Variants in ARHGAP6 observed in about 807,000 individuals in gnomAD.
ARHGAP6 encodes the protein rho GTPase-activating protein 6.
In ARHGAP6, 16 loss-of-function variants were observed where a neutral mutation model predicts 55.7. The ratio of observed to expected loss-of-function variants is 0.29; its 90% CI spans 0.19 to 0.44. ARHGAP6 has a LOEUF of 0.44. ARHGAP6 is among the 20% of genes least tolerant of loss of function. ARHGAP6 has a pLI of 1.00. For synonymous variants in ARHGAP6, 382 were observed against 360.9 expected, an observed-to-expected ratio of 1.06 and a Z score of -0.66; for missense variants, 698 against 808.9, an observed-to-expected ratio of 0.86 and a Z score of 1.66.
In ARHGAP6 at chrX:11,460,594, G is replaced by T. The variant is rs767425969; in HGVS notation, c.588+203647C>A. ...ATATACTGCTCCTTAAAAAGATCCA[G>T]TCATTCATTTAACATTTATTGAGAT... On this transcript the variant is annotated intron_variant, in intron 1 of 12. Coordinates refer to ENST00000337414, the MANE Select transcript of ARHGAP6 (RefSeq NM_013427.3). 2.7e-5 allele frequency among the ~76,000 whole-genome samples: 3 copies of T among 112,062 alleles called. No homozygotes were observed. The East Asian group carries it at 8.4e-4, about 32-fold the overall frequency.
intron 1 of ARHGAP6, among the ~76,000 whole-genome samples, chrX:11,578,385 CT>C (rs1190726297): frequency 7.1e-5 from 8 of 112,307 alleles, no homozygotes; most frequent in Non-Finnish European, 1.9e-5. Flanking sequence ...TGAACAGACA[CT>C]TTTCAAAAGA....
At chrX:11,245,604 A>C (rs894274812) in intron 2 of ARHGAP6, among the ~76,000 whole-genome samples, 3 of 112,690 alleles carry the variant, frequency 2.7e-5, no homozygotes, top group African/African-American at 9.7e-5. Flanking sequence ...TGTGTTATTG[A>C]ATAGTGGTTT....
intron 1 of ARHGAP6, chrX:11,335,703 G>A (rs748629178): frequency 1.6e-5 from 5 of 319,303 alleles, no homozygotes; most frequent in East Asian, 1.0e-4. Flanking sequence ...TTATTGTCCC[G>A]GTAGGCACCA....
chrX:11,471,209 A>G (rs1213935463), intron 1 of ARHGAP6, among the ~76,000 whole-genome samples: 1 of 112,021 alleles, frequency 8.9e-6, no homozygotes, highest in Non-Finnish European at 1.9e-5. Context: ...CCAGCTCATC[A>G]TCAATTTAAA....
chrX:11,318,282 C>G (rs1396127705), intron 1 of ARHGAP6, among the ~76,000 whole-genome samples: 1 of 111,881 alleles, frequency 8.9e-6, no homozygotes, highest in East Asian at 2.8e-4. Flanking sequence ...AAAATACAAT[C>G]AATTTATTTT....
chrX:11,289,714 C>T (rs1229016368), intron 1 of ARHGAP6, among the ~76,000 whole-genome samples: 1 of 112,057 alleles, frequency 8.9e-6, no homozygotes, highest in Non-Finnish European at 1.9e-5. Context: ...AGGCCAGGCG[C>T]AGTGGCTCAT....
At chrX:11,181,254 A>G (rs7057011) in intron 6 of ARHGAP6, among the ~76,000 whole-genome samples, 28,688 of 111,107 alleles carry the variant, frequency 0.26, 2,977 homozygotes, top group Middle Eastern at 0.37. Flanking sequence ...AAAAAAGATA[A>G]ATGAGGTATT....
At chrX:11,454,068 C>T (rs1200014522) in intron 1 of ARHGAP6, among the ~76,000 whole-genome samples, 4 of 109,835 alleles carry the variant, frequency 3.6e-5, no homozygotes, top group Non-Finnish European at 7.6e-5. Context: ...CTTAGCTTCC[C>T]GAGTAGCTGG....
At chrX:11,514,838 G>GCA (rs71928650) in intron 1 of ARHGAP6, among the ~76,000 whole-genome samples, 4,403 of 96,163 alleles carry the variant, frequency 0.046, 149 homozygotes, top group African/African-American at 0.1. Flanking sequence ...TCTATGCATT[G>GCA]CACACACACA....
At chrX:11,267,137 C>A (rs890853925) in intron 1 of ARHGAP6, among the ~76,000 whole-genome samples, 4 of 111,826 alleles carry the variant, frequency 3.6e-5, no homozygotes, top group Non-Finnish European at 7.5e-5. Flanking sequence ...GAAGTTACAT[C>A]CTCATTTAAA....
intron 1 of ARHGAP6, among the ~76,000 whole-genome samples, chrX:11,366,108 T>C (rs1362821616): frequency 8.9e-6 from 1 of 112,202 alleles, no homozygotes; most frequent in Admixed American, 9.5e-5. Flanking sequence ...CCAAAGGCCC[T>C]ACCTGCAAAT....
intron 1 of ARHGAP6, among the ~76,000 whole-genome samples, chrX:11,644,543 A>T (rs183464485): frequency 1.8e-5 from 2 of 111,332 alleles, no homozygotes; most frequent in Non-Finnish European, 3.8e-5. Flanking sequence ...ACCCTTCACC[A>T]AAGAGGATAT....
intron 1 of ARHGAP6, among the ~76,000 whole-genome samples, chrX:11,452,531 T>C (rs1020142479): frequency 7.1e-5 from 8 of 112,162 alleles, no homozygotes; most frequent in Admixed American, 1.9e-4. Context: ...CGGAAACACA[T>C]TGAGTGGTTG....
chrX:11,512,552 C>T (rs2050795339), intron 1 of ARHGAP6, among the ~76,000 whole-genome samples: 1 of 111,265 alleles, frequency 9.0e-6, no homozygotes, highest in Non-Finnish European at 1.9e-5. Context: ...TTGTGTGTTG[C>T]TTTAGTTAAC....
At chrX:11,464,121 C>A (rs915437093) in intron 1 of ARHGAP6, among the ~76,000 whole-genome samples, 15 of 112,211 alleles carry the variant, frequency 1.3e-4, no homozygotes, top group African/African-American at 4.5e-4. Flanking sequence ...ACATTGTTTA[C>A]ATGCAAAATG....
At chrX:11,480,775 CT>C (rs1407379191) in intron 1 of ARHGAP6, among the ~76,000 whole-genome samples, 1 of 111,411 alleles carries the variant, frequency 9.0e-6, no homozygotes, top group Non-Finnish European at 1.9e-5. Flanking sequence ...CAAATTTCCC[CT>C]GGGTTACTAA....
chrX:11,551,009 T>TA (rs1171049427), intron 1 of ARHGAP6, among the ~76,000 whole-genome samples: 1 of 110,680 alleles, frequency 9.0e-6, no homozygotes, highest in Non-Finnish European at 1.9e-5. Context: ...GGGCATTGAG[T>TA]AAAAAAATCT....
intron 1 of ARHGAP6, among the ~76,000 whole-genome samples, chrX:11,610,867 T>C (rs1264997604): frequency 8.9e-6 from 1 of 112,149 alleles, no homozygotes; most frequent in Non-Finnish European, 1.9e-5. Flanking sequence ...ACTAACCTAC[T>C]TTCTGTCTTT....
intron 1 of ARHGAP6, among the ~76,000 whole-genome samples, chrX:11,339,391 G>A (rs1278915814): frequency 2.7e-5 from 3 of 110,181 alleles, no homozygotes; most frequent in African/African-American, 9.9e-5. Flanking sequence ...AGATTTAGTC[G>A]AATCTCCCTC....
Sources: gnomAD v4.1 joint callset for allele counts (sites outside exome capture counted in the v4.1 genomes callset) on GRCh38, gnomAD v4.1.1 for gene constraint, MANE v1.5 for transcripts, NCBI Gene and HGNC (gene_info 2026-07-23, HGNC 2026-07-21) for gene names.